MAP4K2: variants seen among roughly 807,000 people sequenced by gnomAD.
MAP4K2 encodes the protein mitogen-activated protein kinase kinase kinase kinase 2, also known as B lymphocyte serine/threonine protein kinase.
In MAP4K2, 85 loss-of-function variants were observed where a neutral mutation model predicts 125.3. The observed-to-expected ratio is 0.68, with a 90% CI of 0.57 to 0.81. The LOEUF is 0.81. MAP4K2 is among the 40% of genes least tolerant of loss of function. The probability of loss-of-function intolerance (pLI) is 0.00; values close to 1 mark genes in which losing one functional copy is unlikely to be tolerated. For synonymous variants in MAP4K2, 479 were observed against 445.1 expected, an observed-to-expected ratio of 1.08 and a Z score of -0.96; for missense variants, 923 against 1,056.4, an observed-to-expected ratio of 0.87 and a Z score of 1.75.
chr11:64,799,768 G>C lies in MAP4K2; in HGVS notation c.916-85C>G. Reference sequence around the variant, plus strand: ...CTAGGAGCTTCACACGCACCAGTGCGTTTTGCTTTCATGACAGCCCTCTGG... The same window carrying C: ...CTAGGAGCTTCACACGCACCAGTGCCTTTTGCTTTCATGACAGCCCTCTGG... On this transcript the variant is annotated intron_variant, in intron 12 of 31. Coordinates refer to ENST00000294066, the MANE Select transcript of MAP4K2 (RefSeq NM_004579.5). 3 of 1,138,090 alleles carry C rather than the reference G, an allele frequency of 2.6e-6. No homozygotes were observed. The South Asian group carries it at 3.9e-5, about 15-fold the overall frequency. 70.5% of individuals were successfully genotyped at this position (1,138,090 alleles called of 1,614,324 possible).
At chr11:64,798,524 T>C (rs1250668835) in intron 15 of MAP4K2, among the ~76,000 whole-genome samples, 1 of 151,862 alleles carries the variant, frequency 6.6e-6, no homozygotes, top group Non-Finnish European at 1.5e-5. Flanking sequence ...GGTTTCGAAC[T>C]CCTGACCTCA....
chr11:64,791,776 G>A, intron 27 of MAP4K2, 133 bp downstream of exon 27: 1 of 950,580 alleles, frequency 1.1e-6, no homozygotes, highest in Non-Finnish European at 1.5e-6. Context: ...GACCCCACAT[G>A]GCAGCCCTCA....
At chr11:64,799,390 A>T (rs375094736) in intron 14 of MAP4K2, 31 bp downstream of exon 14, 12 of 1,610,016 alleles carry the variant, frequency 7.5e-6, no homozygotes, top group Non-Finnish European at 8.5e-6. Flanking sequence ...ACCTCTGGGC[A>T]CCACCTTCCC....
In MAP4K2 at chr11:64,789,911, C is replaced by T; in HGVS notation, c.2297G>A (p.Gly766Asp). The T allele has an allele frequency of 6.2e-7, 1 of 1,613,934 alleles. No individual in the cohort carries two copies. The highest frequency in any genetic ancestry group is 8.5e-7 in the Non-Finnish European group (1 of 1,180,000). ...VLAFWSHGMQ[G>D]RSLDTNEVTQ... Reference sequence around the variant, plus strand: ...CACCTCATTGGTATCCAGGCTTCGGCCTTGCATCCCATGGCTCCAGAAGGC... The same window carrying T: ...CACCTCATTGGTATCCAGGCTTCGGTCTTGCATCCCATGGCTCCAGAAGGC... The change falls in exon 30 of 32, where the codon GGC (glycine) becomes GAC (aspartate). Residue 766 changes from glycine (G) to aspartate (D), a missense_variant. Physicochemically the swap from Gly to Asp is moderately conservative, Grantham distance 94. Coordinates refer to ENST00000294066, the MANE Select transcript of MAP4K2 (RefSeq NM_004579.5).
chr11:64,802,745 C>A, intron 2 of MAP4K2, 92 bp from the exon 3 acceptor site: 4 of 1,477,216 alleles, frequency 2.7e-6, no homozygotes, highest in Non-Finnish European at 3.7e-6. Context: ...TGCCTCCCTC[C>A]GGGCCAGGCA....
intron 31 of MAP4K2, 36 bp from the exon 32 acceptor site, chr11:64,789,660 C>G (rs11231869): frequency 6.2e-7 from 1 of 1,612,118 alleles, no homozygotes; most frequent in African/African-American, 1.3e-5. Flanking sequence ...GGGCGGGAGA[C>G]ACTTGGTACA....
rs775129304 is a variant in MAP4K2, at chr11:64,800,859, C to T, written c.663-33G>A. The T allele has an allele frequency of 5.6e-6, 9 of 1,613,644 alleles. No homozygotes were observed. The highest frequency in any genetic ancestry group is 4.0e-5 in the African/African-American group (3 of 74,938). ...GGGCGCGAGGTCAGGGGCCACAGGC[C>T]GCAGATCAAGGGTCAGGTGAGGGGC... On this transcript the variant is annotated intron_variant, in intron 9 of 31. Coordinates refer to ENST00000294066, the MANE Select transcript of MAP4K2 (RefSeq NM_004579.5).
chr11:64,800,068 C>T, intron 12 of MAP4K2, 41 bp downstream of exon 12: 2 of 1,495,426 alleles, frequency 1.3e-6, no homozygotes, highest in Non-Finnish European at 1.8e-6. Flanking sequence ...TCTTTCTAAG[C>T]AGACCAGCCC....
In MAP4K2 at chr11:64,801,600, G is replaced by A; in HGVS notation, c.436C>T (p.Leu146Phe). Residue 146 changes from leucine to phenylalanine, a missense_variant, in exon 7 of 32, where the codon CTC becomes TTC. Coordinates refer to ENST00000294066, the MANE Select transcript of MAP4K2 (RefSeq NM_004579.5). ...TGACCCAGTTTGACATCTCCCTGGA[G>A]AGTGAGGAGAAGGTTGGCTCCCTGT... ...DIKGANLLLT[L>F]QGDVKLADFG... 1 of 1,614,056 alleles carries A rather than the reference G, an allele frequency of 6.2e-7. No individual in the cohort carries two copies.
At position 64,790,393 on chromosome 11, in the gene MAP4K2, C is replaced by T. The variant is rs1339407270; in HGVS notation, c.2161+1G>A. ...CTAAGCCCTGCCCCCAGGGCACTCA[C>T]GTTCAAAGCTGACTAGGATTGTGTC... is the stretch of plus-strand genomic sequence containing the variant. On this transcript the variant is annotated splice_donor_variant, in intron 28 of 31. Coordinates refer to ENST00000294066, the MANE Select transcript of MAP4K2 (RefSeq NM_004579.5). LOFTEE classifies it high-confidence loss of function. 1.9e-6 allele frequency: 3 copies of T among 1,614,054 alleles called. No homozygotes were observed. Among genetic ancestry groups the T allele is most frequent in the Admixed American group, 1.7e-5 (1 of 60,010 alleles).
chr11:64,785,860 GA>G lies in MAP4K2; in HGVS notation c.*3676del, dbSNP rs1231830046. On this transcript the variant is annotated 3_prime_UTR_variant, in exon 32 of 32. Transcript: ENST00000294066. ...CTGCCTCAGTTTCCCAAAGTGCTGG[GA>G]TTACAGACATGAACCACCATGCCCA... 6.6e-6 allele frequency: 1 copy of G among 152,146 alleles called. No individual in the cohort carries two copies. The highest frequency in any genetic ancestry group is 1.5e-5 in the Non-Finnish European group (1 of 68,028). 9.4% of individuals were successfully genotyped at this position (152,146 alleles called of 1,614,324 possible).
At chr11:64,798,717 G>C in intron 15 of MAP4K2, 77 bp downstream of exon 15, 1 of 1,527,386 alleles carries the variant, frequency 6.5e-7, no homozygotes, top group Non-Finnish European at 9.1e-7. Flanking sequence ...TTACAGGCAT[G>C]AGCCACCACG....
intron 15 of MAP4K2, among the ~76,000 whole-genome samples, chr11:64,797,957 G>A (rs918784697): frequency 4.0e-5 from 6 of 150,756 alleles, no homozygotes; most frequent in South Asian, 2.1e-4. Flanking sequence ...CGCCCACCTC[G>A]GCCTCCCAAA....
intron 7 of MAP4K2, 107 bp from the exon 8 acceptor site, chr11:64,801,290 G>T: frequency 7.2e-7 from 1 of 1,380,992 alleles, no homozygotes; most frequent in Non-Finnish European, 1.0e-6. Context: ...CGGGCAGGTG[G>T]CCCCGCTTGG....
At chr11:64,799,723 C>T (rs549062153) in intron 12 of MAP4K2, 40 bp from the exon 13 acceptor site, 47 of 1,551,966 alleles carry the variant, frequency 3.0e-5, no homozygotes, top group Non-Finnish European at 3.9e-5. Context: ...ACCTGGCACG[C>T]GCCTCATGCC....
rs534640096 is a variant in MAP4K2 at position 64,789,849 on chromosome 11, C to G, written c.2319+40G>C. ...AGGTCCTTTCCAAAGAGGTAGGGAC[C>G]ACAAGGCAGGGGACAGCAAGGTCCC... On this transcript the variant is annotated intron_variant, in intron 30 of 31. Coordinates refer to ENST00000294066, the MANE Select transcript of MAP4K2 (RefSeq NM_004579.5). The G allele has an allele frequency of 4.3e-6, 7 of 1,614,070 alleles. No individual in the cohort carries two copies. The South Asian group carries it at 6.6e-5, about 15-fold the overall frequency.
Position 64,803,060 on chromosome 11 carries a change from G to T in MAP4K2, c.90C>A (p.Val30=). 1 of 1,604,542 alleles carries T rather than the reference G, an allele frequency of 6.2e-7. No homozygotes were observed. Residue 30 remains valine, a synonymous_variant, in exon 1 of 32, where the codon GTC becomes GTA. Transcript: ENST00000294066. ...CCCGCCCGTCCCGTCGCACCTTGTA[G>T]ACGTCGCCATAGGTCCCGGCCCCCA... The part of the protein sequence containing the change: ...QRVGAGTYGD[V]YKARDTVTSE...
chr11:64,794,949 C>T (rs999511551), intron 24 of MAP4K2, among the ~76,000 whole-genome samples: 20 of 152,040 alleles, frequency 1.3e-4, no homozygotes, highest in African/African-American at 3.9e-4. Context: ...TGCAGTGGTA[C>T]GATCGCGATC....
In MAP4K2 at chr11:64,788,714, G is replaced by A. The variant is rs565474424; in HGVS notation, c.*823C>T. 21 of 152,388 alleles carry A rather than the reference G, an allele frequency of 1.4e-4. No homozygotes were observed. Among genetic ancestry groups the A allele is most frequent in the African/African-American group, 4.8e-4 (20 of 41,564 alleles). The allele number at this position is 152,388 out of a possible 1,614,324, so 9.4% of individuals were successfully genotyped here. ...ACCTAGGCAGTAGGTGGAGGCAGGG[G>A]ATACAGGTCACACAGGCTACCTCCA... On this transcript the variant is annotated 3_prime_UTR_variant, in exon 32 of 32. Coordinates refer to ENST00000294066, the MANE Select transcript of MAP4K2 (RefSeq NM_004579.5).
Sources: gnomAD v4.1 joint callset for allele counts (sites outside exome capture counted in the v4.1 genomes callset) on GRCh38, gnomAD v4.1.1 for gene constraint, MANE v1.5 for transcripts, NCBI Gene and HGNC (gene_info 2026-07-23, HGNC 2026-07-21) for gene names.